HDAC4: variants seen among roughly 807,000 people sequenced by gnomAD.
The protein encoded by HDAC4 is histone deacetylase A.
In HDAC4, 16 loss-of-function variants were observed where a neutral mutation model predicts 135.1. That is an observed-to-expected ratio of 0.12 (90% CI 0.08 to 0.18). HDAC4 has a LOEUF of 0.18. Ranked by LOEUF, HDAC4 falls within the 10% of genes least tolerant of loss-of-function variation. The pLI is 1.00. For missense variants in HDAC4, 1,143 were observed against 1,511.8 expected, an observed-to-expected ratio of 0.76 and a Z score of 4.05; for synonymous variants, 685 against 653.4, an observed-to-expected ratio of 1.05 and a Z score of -0.74.
At chr2:239,062,681 G>A (rs1327172350) in intron 24 of HDAC4, among the ~76,000 whole-genome samples, 1 of 152,088 alleles carries the variant, frequency 6.6e-6, no homozygotes, top group African/African-American at 2.4e-5. Context: ...CAAAAAGGGG[G>A]AAAAGACTGT....
chr2:239,309,840 C>T lies in HDAC4; in HGVS notation c.22+42838G>A, dbSNP rs1390077461. ...CACTCAGACCATGGATGTGGCCGTG[C>T]CAGCAGGGAGGCCAGCAGCCCCTAG... is the stretch of plus-strand genomic sequence containing the variant. On this transcript the variant is annotated intron_variant, in intron 2 of 26. Transcript: ENST00000543185. This position sits in a 1 kb window ranked among gnomAD's most constrained non-coding sequence, Gnocchi z 4.2. Among the ~76,000 whole-genome samples the T allele has an allele frequency of 6.6e-6, 1 of 152,226 alleles. No individual in the cohort carries two copies. The highest frequency in any genetic ancestry group is 2.4e-5 in the African/African-American group (1 of 41,464).
At chr2:239,232,581 A>T (rs1354944140) in intron 3 of HDAC4, among the ~76,000 whole-genome samples, 1 of 90,284 alleles carries the variant, frequency 1.1e-5, no homozygotes, top group Admixed American at 1.2e-4. Flanking sequence ...CCCTTCCCTC[A>T]CCAAGCCAAG....
At position 239,308,518 on chromosome 2, in the gene HDAC4, T is replaced by TA. The variant is rs1485733635; in HGVS notation, c.22+44159dup. Reference sequence around the variant, plus strand: ...CAAAGGAAAATAACAATAATGAAGATATCGTTGGTGGAATACATAACCTCC... The same window carrying TA: ...CAAAGGAAAATAACAATAATGAAGATAATCGTTGGTGGAATACATAACCTCC... On this transcript the variant is annotated intron_variant, in intron 2 of 26. Coordinates refer to ENST00000543185, the MANE Select transcript of HDAC4 (RefSeq NM_001378414.1). The surrounding 1 kb of genome is among the most constrained non-coding windows in gnomAD (Gnocchi z 4.2). 2.6e-5 allele frequency among the ~76,000 whole-genome samples: 4 copies of TA among 152,126 alleles called. No homozygotes were observed. The highest frequency in any genetic ancestry group is 9.7e-5 in the African/African-American group (4 of 41,418).
At chr2:239,290,704 G>A (rs1288178118) in intron 2 of HDAC4, among the ~76,000 whole-genome samples, 1 of 151,652 alleles carries the variant, frequency 6.6e-6, no homozygotes, top group Middle Eastern at 3.2e-3. Flanking sequence ...ACACACGCAC[G>A]CACACACTCA....
rs754017383 is a variant in HDAC4 at position 239,134,512 on chromosome 2, C to T, written c.1095+15G>A. The T allele has an allele frequency of 1.7e-5, 27 of 1,613,566 alleles. No homozygotes were observed. Among genetic ancestry groups the T allele is most frequent in the East Asian group, 4.5e-5 (2 of 44,876 alleles). On this transcript the variant is annotated intron_variant, in intron 10 of 26. Transcript: ENST00000543185. ...CACCACCCCACACCACACGGACCCACGGGGGCTGACTTACCGCAGAGGGGC... is the reference window on the plus strand; with the variant it reads ...CACCACCCCACACCACACGGACCCATGGGGGCTGACTTACCGCAGAGGGGC...
chr2:239,082,992 T>C (rs1449502562), intron 20 of HDAC4, among the ~76,000 whole-genome samples: 2 of 152,206 alleles, frequency 1.3e-5, no homozygotes, highest in African/African-American at 4.8e-5. Context: ...TGCTCCGTTA[T>C]CTGTGCTCAT....
intron 2 of HDAC4, among the ~76,000 whole-genome samples, chr2:239,289,398 G>A (rs13412744): frequency 0.026 from 4,009 of 152,296 alleles, 190 homozygotes; most frequent in African/African-American, 0.091. Context: ...TGTCATTTAA[G>A]AACTGTTTTT....
chr2:239,101,032 T>TCGG (rs2037567954), intron 16 of HDAC4, among the ~76,000 whole-genome samples: 1 of 152,154 alleles, frequency 6.6e-6, no homozygotes, highest in Non-Finnish European at 1.5e-5. Flanking sequence ...GCCTCTGCAG[T>TCGG]TGCTGAGCCT....
intron 12 of HDAC4, among the ~76,000 whole-genome samples, chr2:239,116,165 T>G (rs1333473102): frequency 6.6e-6 from 1 of 152,162 alleles, no homozygotes; most frequent in Non-Finnish European, 1.5e-5. Context: ...GGCCTGCTCC[T>G]CGGCTCATTT....
intron 12 of HDAC4, among the ~76,000 whole-genome samples, chr2:239,117,957 T>C (rs751125717): frequency 1.3e-5 from 2 of 152,174 alleles, no homozygotes; most frequent in African/African-American, 2.4e-5. Flanking sequence ...GAGCACTGCA[T>C]GCTGCTCCAC....
intron 2 of HDAC4, among the ~76,000 whole-genome samples, chr2:239,253,352 CT>C (rs1400816568): frequency 6.6e-6 from 1 of 152,246 alleles, no homozygotes; most frequent in Non-Finnish European, 1.5e-5. Flanking sequence ...ACGAACACCC[CT>C]GTATGCTGTT....
At chr2:239,361,286 G>A (rs1175765128) in intron 1 of HDAC4, among the ~76,000 whole-genome samples, 1 of 152,152 alleles carries the variant, frequency 6.6e-6, no homozygotes, top group East Asian at 1.9e-4. Flanking sequence ...CCTCACAGGG[G>A]GCTGAAGTTG....
At chr2:239,274,558 C>T (rs2050240054) in intron 2 of HDAC4, among the ~76,000 whole-genome samples, 1 of 152,222 alleles carries the variant, frequency 6.6e-6, no homozygotes, top group African/African-American at 2.4e-5. Flanking sequence ...GCTAATTCAA[C>T]AACAATACAA....
Position 239,141,143 on chromosome 2 carries a change from C to G in HDAC4, c.866-1347G>C, listed in dbSNP as rs2041348563. Among the ~76,000 whole-genome samples the G allele has an allele frequency of 6.6e-6, 1 of 152,166 alleles. No individual in the cohort carries two copies. The highest frequency in any genetic ancestry group is 6.5e-5 in the Admixed American group (1 of 15,272). ...TCCCAGGCCACGTGGCTTGAGGGAA[C>G]TGTCATGGGCGTCTGCATACCAGAG... On this transcript the variant is annotated intron_variant, in intron 8 of 26. Coordinates refer to ENST00000543185, the MANE Select transcript of HDAC4 (RefSeq NM_001378414.1). The surrounding 1 kb of genome is among the most constrained non-coding windows in gnomAD (Gnocchi z 4.9).
At chr2:239,330,386 G>A (rs1691490025) in intron 2 of HDAC4, among the ~76,000 whole-genome samples, 1 of 152,256 alleles carries the variant, frequency 6.6e-6, no homozygotes, top group Non-Finnish European at 1.5e-5. Flanking sequence ...CCTGAGCAAG[G>A]GCCACTGGGG....
At chr2:239,268,445 G>A (rs1308041709) in intron 2 of HDAC4, among the ~76,000 whole-genome samples, 1 of 152,276 alleles carries the variant, frequency 6.6e-6, no homozygotes, top group Non-Finnish European at 1.5e-5. Context: ...ACATGTCAAG[G>A]ATAAAGATAT....
chr2:239,108,701 G>C (rs561635700), intron 14 of HDAC4, among the ~76,000 whole-genome samples: 1 of 152,184 alleles, frequency 6.6e-6, no homozygotes, highest in Non-Finnish European at 1.5e-5. Flanking sequence ...CACCAGATTC[G>C]AGCTCTGCCT....
intron 2 of HDAC4, among the ~76,000 whole-genome samples, chr2:239,237,646 C>T (rs1431892187): frequency 6.6e-6 from 1 of 151,584 alleles, no homozygotes; most frequent in African/African-American, 2.4e-5. Context: ...CCGTGCATGT[C>T]CTTGGAGATG....
intron 3 of HDAC4, among the ~76,000 whole-genome samples, chr2:239,211,081 T>C (rs937916880): frequency 2.0e-5 from 3 of 152,044 alleles, no homozygotes; most frequent in Non-Finnish European, 4.4e-5. Context: ...AACGTTACAA[T>C]ACCTGCAGAT....
Sources: allele counts gnomAD v4.1 joint callset (sites outside exome capture counted in the v4.1 genomes callset), GRCh38; gene constraint gnomAD v4.1.1; non-coding constraint Gnocchi (gnomAD v3.1); transcripts MANE v1.5; gene names NCBI Gene and HGNC (gene_info 2026-07-23, HGNC 2026-07-21).